The following DENND5A variants were observed in gnomAD, a reference collection of about 807,000 sequenced individuals.
DENND5A encodes the protein DENN domain-containing protein 5A.
In DENND5A, 64 loss-of-function variants were observed where a neutral mutation model predicts 140.3. That is an observed-to-expected ratio of 0.46 (90% CI 0.37 to 0.56). The LOEUF (loss-of-function observed/expected upper bound fraction) is 0.56. DENND5A is among the 20% of genes least tolerant of loss of function. DENND5A has a pLI of 0.00. For synonymous variants in DENND5A, 605 were observed against 607.7 expected (o/e 1.00, Z 0.07); for missense variants, 1,292 against 1,593.8 (o/e 0.81, Z 3.22).
chr11:9,260,651 C>T (rs190454660), intron 1 of DENND5A, among the ~76,000 whole-genome samples: 23 of 152,284 alleles, frequency 1.5e-4, no homozygotes, highest in African/African-American at 5.5e-4. Flanking sequence ...AGAGCTTCCT[C>T]AACCAGAAAA....
intron 1 of DENND5A, among the ~76,000 whole-genome samples, chr11:9,230,268 T>A (rs1483090105): frequency 9.3e-6 from 1 of 107,200 alleles, no homozygotes; most frequent in Non-Finnish European, 1.8e-5. Context: ...TTGAGACAAG[T>A]CTCACTTTTT....
At chr11:9,152,997 CAAA>C in intron 12 of DENND5A, among the ~76,000 whole-genome samples, 1 of 107,138 alleles carries the variant, frequency 9.3e-6, no homozygotes, top group African/African-American at 3.4e-5. Context: ...GACGCCGTCT[CAAA>C]AAAAAAAAAA....
intron 1 of DENND5A, among the ~76,000 whole-genome samples, chr11:9,247,179 G>A (rs916166584): frequency 1.3e-5 from 2 of 150,484 alleles, no homozygotes; most frequent in African/African-American, 4.9e-5. Context: ...GCAGTGAGCC[G>A]AGATCGTGCC....
chr11:9,234,245 A>G (rs1388589776), intron 1 of DENND5A, among the ~76,000 whole-genome samples: 1 of 151,920 alleles, frequency 6.6e-6, no homozygotes, highest in Non-Finnish European at 1.5e-5. Context: ...CCAATTCTGT[A>G]GCAAACTCAC....
At chr11:9,221,844 G>A (rs900370941) in intron 1 of DENND5A, among the ~76,000 whole-genome samples, 5 of 151,948 alleles carry the variant, frequency 3.3e-5, no homozygotes, top group Non-Finnish European at 5.9e-5. Flanking sequence ...TGCAACCTCT[G>A]CCTCCCAGGT....
intron 4 of DENND5A, among the ~76,000 whole-genome samples, chr11:9,197,914 T>G (rs964805417): frequency 3.9e-5 from 6 of 152,200 alleles, no homozygotes; most frequent in African/African-American, 1.4e-4. Context: ...AAGACTACTT[T>G]AGATAGTAAA....
At chr11:9,263,417 T>TC (rs983794588) in intron 1 of DENND5A, among the ~76,000 whole-genome samples, 1 of 151,142 alleles carries the variant, frequency 6.6e-6, no homozygotes, top group Non-Finnish European at 1.5e-5. Flanking sequence ...GACGGGGGTT[T>TC]CACCATGTTG....
At chr11:9,141,172 T>G (rs1847225580) in intron 22 of DENND5A, among the ~76,000 whole-genome samples, 1 of 152,156 alleles carries the variant, frequency 6.6e-6, no homozygotes. Context: ...GGGCCACGTT[T>G]TATTCAGCTG....
chr11:9,256,391 C>A (rs916861618), intron 1 of DENND5A, among the ~76,000 whole-genome samples: 1 of 151,698 alleles, frequency 6.6e-6, no homozygotes, highest in Non-Finnish European at 1.5e-5. Context: ...ACCTGGGAGG[C>A]GGAGGTTGCA....
At chr11:9,262,239 A>AG (rs1408550976) in intron 1 of DENND5A, among the ~76,000 whole-genome samples, 2 of 152,168 alleles carry the variant, frequency 1.3e-5, no homozygotes, top group African/African-American at 4.8e-5. Flanking sequence ...AGTCAATAGG[A>AG]GAGCAGGAAT....
intron 1 of DENND5A, among the ~76,000 whole-genome samples, chr11:9,221,880 C>T (rs12281978): frequency 0.015 from 2,255 of 152,132 alleles, 65 homozygotes; most frequent in African/African-American, 0.051. Flanking sequence ...GACTCAGCCT[C>T]CCAAATAGCT....
rs1020162091 is a variant in DENND5A at position 9,191,912 on chromosome 11, C to T, written c.1137+1582G>A. Among the ~76,000 whole-genome samples, 2 of 152,176 alleles carry T rather than the reference C, an allele frequency of 1.3e-5. 1 individual carries two copies. Among genetic ancestry groups the T allele is most frequent in the African/African-American group, 4.8e-5 (2 of 41,446 alleles). ...TTTGTTTAAAGCAAACAACAAAAAGCTCTTCTTTCTCCAGTCGACTCTTCA... is the reference window on the plus strand; with the variant it reads ...TTTGTTTAAAGCAAACAACAAAAAGTTCTTCTTTCTCCAGTCGACTCTTCA... On this transcript the variant is annotated intron_variant, in intron 5 of 22. Transcript: ENST00000328194.
chr11:9,233,088 C>A (rs980189324), intron 1 of DENND5A, among the ~76,000 whole-genome samples: 2 of 152,186 alleles, frequency 1.3e-5, no homozygotes, highest in African/African-American at 4.8e-5. Context: ...AAGTAGACTA[C>A]TTCTTGCTCA....
chr11:9,167,905 G>A (rs1848243666), intron 10 of DENND5A, among the ~76,000 whole-genome samples: 1 of 152,172 alleles, frequency 6.6e-6, no homozygotes, highest in African/African-American at 2.4e-5. Context: ...ACCCCAAGTA[G>A]AAGTAACCTC....
chr11:9,215,445 TCAGGTAA>T (rs1164704307), intron 1 of DENND5A, among the ~76,000 whole-genome samples: 1 of 152,118 alleles, frequency 6.6e-6, no homozygotes, highest in Non-Finnish European at 1.5e-5. Flanking sequence ...CACACATCTG[TCAGGTAA>T]CACCTGGAAC....
intron 8 of DENND5A, among the ~76,000 whole-genome samples, chr11:9,172,778 T>C (rs1462091677): frequency 3.3e-5 from 5 of 152,156 alleles, no homozygotes; most frequent in African/African-American, 1.2e-4. Flanking sequence ...GAGAATAAAC[T>C]AATTATAAAG....
intron 1 of DENND5A, among the ~76,000 whole-genome samples, chr11:9,230,200 C>T (rs1431354749): frequency 6.7e-6 from 1 of 148,342 alleles, no homozygotes; most frequent in Non-Finnish European, 1.5e-5. Flanking sequence ...TGAGCCACCG[C>T]GCCCGGCCCC....
chr11:9,258,456 T>G (rs978660433), intron 1 of DENND5A, among the ~76,000 whole-genome samples: 2 of 152,208 alleles, frequency 1.3e-5, no homozygotes, highest in East Asian at 3.8e-4. Context: ...GGACATGAAC[T>G]CATCCTTTTT....
intron 1 of DENND5A, among the ~76,000 whole-genome samples, chr11:9,218,722 T>C (rs552834724): frequency 1.2e-4 from 18 of 152,018 alleles, no homozygotes; most frequent in African/African-American, 3.9e-4. Context: ...AATAAATGTA[T>C]TGGGCCGGCG....
Sources: gnomAD v4.1 joint callset for allele counts (sites outside exome capture counted in the v4.1 genomes callset) on GRCh38, gnomAD v4.1.1 for gene constraint, MANE v1.5 for transcripts, NCBI Gene and HGNC (gene_info 2026-07-23, HGNC 2026-07-21) for gene names.